ASZ1: variants seen among roughly 807,000 people sequenced by gnomAD.
The protein encoded by ASZ1 is ankyrin repeat, SAM and basic leucine zipper domain containing 1.
In ASZ1, 67 loss-of-function variants were observed where a neutral mutation model predicts 61.8. That is an observed-to-expected ratio of 1.08 (90% CI 0.89 to 1.33). ASZ1 has a LOEUF of 1.33. Ranked by LOEUF, ASZ1 falls within the 40% of genes most tolerant of loss-of-function variation. The pLI, the probability that ASZ1 is intolerant of heterozygous loss-of-function variation, is 0.00. For missense variants in ASZ1, 577 were observed against 554.5 expected (o/e 1.04, Z -0.41); for synonymous variants, 193 against 192.7 (o/e 1.00, Z -0.01).
chr7:117,384,748 G>T lies in ASZ1; in HGVS notation c.665C>A (p.Ala222Glu), dbSNP rs756882161. Residue 222 changes from alanine (A) to glutamate (E), a missense_variant, in exon 6 of 13, where the codon GCA becomes GAA. By Grantham distance (107) the Ala-to-Glu change is moderately radical. Coordinates refer to ENST00000284629, the MANE Select transcript of ASZ1 (RefSeq NM_130768.3). ...TACCTCATGATGTTTGTTTCTTTTTGCAATCTCACTTGGCATCTTTCCATC... is the reference window on the plus strand; with the variant it reads ...TACCTCATGATGTTTGTTTCTTTTTTCAATCTCACTTGGCATCTTTCCATC... ...TKDGKMPSEI[A>E]KRNKHHEIFN... is the part of the protein sequence containing the mutation. 1 of 1,611,316 alleles carries T rather than the reference G, an allele frequency of 6.2e-7. No individual in the cohort carries two copies. The highest frequency in any genetic ancestry group is 8.5e-7 in the Non-Finnish European group (1 of 1,178,804).
At position 117,420,292 on chromosome 7, in the gene ASZ1, G is replaced by A. The variant is rs749461174; in HGVS notation, c.329-18C>T. Reference sequence around the variant, plus strand: ...TTGCTTATCTATAGTGAATAGAAAAGTGAGGAAAAATCCCCATACATCAAG... The same window carrying A: ...TTGCTTATCTATAGTGAATAGAAAAATGAGGAAAAATCCCCATACATCAAG... On this transcript the variant is annotated intron_variant, in intron 3 of 12. Transcript: ENST00000284629. 1.3e-6 allele frequency: 2 copies of A among 1,578,494 alleles called. No individual in the cohort carries two copies. Among genetic ancestry groups the A allele is most frequent in the Non-Finnish European group, 1.7e-6 (2 of 1,154,264 alleles).
At chr7:117,386,434 GT>G (rs1315025273) in intron 4 of ASZ1, among the ~76,000 whole-genome samples, 3 of 152,116 alleles carry the variant, frequency 2.0e-5, no homozygotes, top group Non-Finnish European at 4.4e-5. Context: ...TTTCTCTGTA[GT>G]TTATCATTTC....
chr7:117,365,686 T>G (rs1795923495), intron 12 of ASZ1, among the ~76,000 whole-genome samples: 1 of 152,202 alleles, frequency 6.6e-6, no homozygotes, highest in Admixed American at 6.5e-5. Context: ...GATCAGTTCC[T>G]TTCCTTTGAT....
intron 4 of ASZ1, among the ~76,000 whole-genome samples, chr7:117,387,115 C>G (rs766010007): frequency 7.9e-6 from 1 of 126,848 alleles, no homozygotes; most frequent in Non-Finnish European, 1.6e-5. Context: ...GCCTGGGCAA[C>G]AGAGGAAAGC....
Position 117,393,812 on chromosome 7 carries a change from TA to T in ASZ1, c.441-8004del, listed in dbSNP as rs1187142089. Among the ~76,000 whole-genome samples, 6 of 152,314 alleles carry T rather than the reference TA, an allele frequency of 3.9e-5. No homozygotes were observed. In the East Asian group the frequency reaches 1.2e-3, roughly 29 times the overall value. On this transcript the variant is annotated intron_variant, in intron 4 of 12. Coordinates refer to ENST00000284629, the MANE Select transcript of ASZ1 (RefSeq NM_130768.3). ...ACATGTTTCCATGTCTCCTTGGACA[TA>T]GAATCACCTTGTTAGATTGATCAAG...
chr7:117,378,338 T>C (rs764498853), intron 10 of ASZ1, among the ~76,000 whole-genome samples: 2 of 152,156 alleles, frequency 1.3e-5, no homozygotes, highest in East Asian at 3.9e-4. Flanking sequence ...AACTCAACAT[T>C]AAAAAACAAT....
At chr7:117,392,509 T>C (rs965132525) in intron 4 of ASZ1, among the ~76,000 whole-genome samples, 65 of 152,180 alleles carry the variant, frequency 4.3e-4, no homozygotes, top group African/African-American at 1.6e-3. Flanking sequence ...TATAGGTATA[T>C]AGAAATGCTT....
At chr7:117,384,005 G>GCAT (rs1163519982) in intron 6 of ASZ1, among the ~76,000 whole-genome samples, 18 of 152,164 alleles carry the variant, frequency 1.2e-4, no homozygotes, top group African/African-American at 4.3e-4. Context: ...AAGTGGCTTG[G>GCAT]TTTGATGATT....
rs1796286605 is a variant in ASZ1, at chr7:117,383,123, A to G, written c.688-13T>C. On this transcript the variant is annotated splice_polypyrimidine_tract_variant and intron_variant, in intron 6 of 12. Transcript: ENST00000284629. Reference sequence around the variant, plus strand: ...GTAAGTTGAAGATCTGAAAAAAGTTAACATCATTCAAATATAATTAACATT... The same window carrying G: ...GTAAGTTGAAGATCTGAAAAAAGTTGACATCATTCAAATATAATTAACATT... 3 of 1,530,788 alleles carry G rather than the reference A, an allele frequency of 2.0e-6. No homozygotes were observed. In the Admixed American group the frequency reaches 6.5e-5, roughly 33 times the overall value. 94.8% of individuals were successfully genotyped at this position (1,530,788 alleles called of 1,614,324 possible). A position where few individuals can be genotyped will look rare whatever the true frequency, so the allele number is the denominator to read the frequency against.
chr7:117,382,463 C>T (rs966738909), intron 7 of ASZ1, among the ~76,000 whole-genome samples: 12 of 151,636 alleles, frequency 7.9e-5, no homozygotes, highest in East Asian at 1.9e-4. Context: ...GAGGCTGTGG[C>T]GGGAGAACTG....
chr7:117,381,149 T>A lies in ASZ1; in HGVS notation c.889-82A>T, dbSNP rs537863791. The A allele has an allele frequency of 9.4e-5, 120 of 1,278,794 alleles. No individual in the cohort carries two copies. The East Asian group carries it at 2.2e-3, about 24-fold the overall frequency. 79.2% of individuals were successfully genotyped at this position (1,278,794 alleles called of 1,614,324 possible). A position where few individuals can be genotyped will look rare whatever the true frequency, so the allele number is the denominator to read the frequency against. ...AGTAGGCAAATGTTCATAAGTTAGT[T>A]ACTTGCTTCACTCTGAAGCAAATTC... On this transcript the variant is annotated intron_variant, in intron 8 of 12. Transcript: ENST00000284629.
chr7:117,376,014 C>T (rs1796128897), intron 10 of ASZ1, among the ~76,000 whole-genome samples: 1 of 151,762 alleles, frequency 6.6e-6, no homozygotes, highest in African/African-American at 2.4e-5. Context: ...AGAAAAGTTA[C>T]TGAAACAAAA....
chr7:117,421,777 T>G (rs1307044322), intron 3 of ASZ1, among the ~76,000 whole-genome samples: 1 of 152,220 alleles, frequency 6.6e-6, no homozygotes, highest in Non-Finnish European at 1.5e-5. Context: ...GATTTGCTCA[T>G]ATACTCTTGT....
rs1443811896 is a variant in ASZ1 at position 117,363,269 on chromosome 7, T to C, written c.*327A>G. On this transcript the variant is annotated 3_prime_UTR_variant, in exon 13 of 13. Coordinates refer to ENST00000284629, the MANE Select transcript of ASZ1 (RefSeq NM_130768.3). Reference sequence around the variant, plus strand: ...CAATTTATGAACACTTTACAAATCCTGTACGATTCACTGACAAATGAACAC... The same window carrying C: ...CAATTTATGAACACTTTACAAATCCCGTACGATTCACTGACAAATGAACAC... The C allele has an allele frequency of 6.2e-6, 1 of 160,314 alleles. No homozygotes were observed. The highest frequency in any genetic ancestry group is 1.4e-5 in the Non-Finnish European group (1 of 73,676). The allele number at this position is 160,314 out of a possible 1,614,324, so 9.9% of individuals were successfully genotyped here. A position where few individuals can be genotyped will look rare whatever the true frequency, so the allele number is the denominator to read the frequency against.
intron 4 of ASZ1, among the ~76,000 whole-genome samples, chr7:117,387,970 G>A (rs1796392821): frequency 6.6e-6 from 1 of 152,156 alleles, no homozygotes; most frequent in African/African-American, 2.4e-5. Context: ...AACAAGAGAA[G>A]TAACATCAGT....
chr7:117,413,923 GT>G (rs1393176177), intron 4 of ASZ1, among the ~76,000 whole-genome samples: 1 of 151,992 alleles, frequency 6.6e-6, no homozygotes, highest in Non-Finnish European at 1.5e-5. Flanking sequence ...GAATCTAGAA[GT>G]TTTTAAAAAT....
chr7:117,379,896 T>C (rs1388136790), intron 10 of ASZ1, 42 bp downstream of exon 10: 3 of 1,288,562 alleles, frequency 2.3e-6, no homozygotes, highest in Non-Finnish European at 3.3e-6. Context: ...AACAATTGGT[T>C]CTTAACACTA....
intron 10 of ASZ1, among the ~76,000 whole-genome samples, chr7:117,375,497 A>G (rs1796120397): frequency 6.6e-6 from 1 of 152,024 alleles, no homozygotes; most frequent in East Asian, 1.9e-4. Flanking sequence ...ATTTATCCTT[A>G]TTAAAGTTAA....
intron 2 of ASZ1, 98 bp from the exon 3 acceptor site, chr7:117,422,457 C>T: frequency 7.7e-7 from 1 of 1,300,488 alleles, no homozygotes; most frequent in Non-Finnish European, 1.0e-6. Context: ...TGACGTACAT[C>T]ATGTACTTTA....
Sources: gnomAD v4.1 joint callset for allele counts (sites outside exome capture counted in the v4.1 genomes callset) on GRCh38, gnomAD v4.1.1 for gene constraint, MANE v1.5 for transcripts, NCBI Gene and HGNC (gene_info 2026-07-23, HGNC 2026-07-21) for gene names.